CSMD1: variants seen among roughly 807,000 people sequenced by gnomAD.
CSMD1 encodes CUB and Sushi multiple domains 1, also known as CUB and sushi domain-containing protein 1.
In CSMD1, 213 loss-of-function variants were observed where a neutral mutation model predicts 417.5. The observed-to-expected ratio is 0.51, with a 90% CI of 0.46 to 0.57. CSMD1 has a LOEUF of 0.57. CSMD1 is among the 20% of genes least tolerant of loss of function. The probability of loss-of-function intolerance (pLI) is 0.00; values close to 1 mark genes in which losing one functional copy is unlikely to be tolerated. For missense variants in CSMD1, 6,923 were observed against 4,529.7 expected, an observed-to-expected ratio of 1.53 and a Z score of -15.17; for synonymous variants, 2,862 against 1,736.8, an observed-to-expected ratio of 1.65 and a Z score of -16.11.
chr8:4,453,292 C>A lies in CSMD1; in HGVS notation c.303-33227G>T, dbSNP rs1799262047. ...TGTAACCAAAACATGAATTTACACT[C>A]CCACTGGCAATCAACTGTCCCCAAG... On this transcript the variant is annotated intron_variant, in intron 2 of 69. Transcript: ENST00000635120. Among the ~76,000 whole-genome samples the A allele has an allele frequency of 2.0e-5, 3 of 152,030 alleles. No homozygotes were observed. The South Asian group carries it at 6.2e-4, about 32-fold the overall frequency.
intron 3 of CSMD1, among the ~76,000 whole-genome samples, chr8:4,362,114 T>C (rs1801801758): frequency 6.6e-6 from 1 of 152,056 alleles, no homozygotes; most frequent in African/African-American, 2.4e-5. Context: ...GAATTACAAA[T>C]CCAAGTACTT....
At chr8:4,583,669 T>A (rs555852361) in intron 2 of CSMD1, among the ~76,000 whole-genome samples, 80 of 152,242 alleles carry the variant, frequency 5.3e-4, no homozygotes, top group Non-Finnish European at 8.5e-4. Flanking sequence ...CTAACTAATC[T>A]GATGGGGTCG....
chr8:4,526,629 G>C (rs1796527152), intron 2 of CSMD1, among the ~76,000 whole-genome samples: 1 of 151,946 alleles, frequency 6.6e-6, no homozygotes, highest in South Asian at 2.1e-4. Flanking sequence ...ATCACTCTTG[G>C]GAATTAACAA....
chr8:4,715,935 CT>C (rs1335733802), intron 1 of CSMD1, among the ~76,000 whole-genome samples: 3 of 152,188 alleles, frequency 2.0e-5, no homozygotes, highest in African/African-American at 7.2e-5. Context: ...CTAAAATTGT[CT>C]TGTAAATCGT....
At chr8:3,528,640 G>C (rs1470631105) in intron 10 of CSMD1, among the ~76,000 whole-genome samples, 1 of 152,136 alleles carries the variant, frequency 6.6e-6, no homozygotes, top group Admixed American at 6.5e-5. Flanking sequence ...CTAATTAAAT[G>C]TCTTGAAATT....
chr8:3,787,353 C>T (rs1028303034), intron 5 of CSMD1, among the ~76,000 whole-genome samples: 2 of 152,050 alleles, frequency 1.3e-5, no homozygotes, highest in African/African-American at 2.4e-5. Flanking sequence ...ATGTTGATGC[C>T]ATTTTGCTTG....
intron 3 of CSMD1, among the ~76,000 whole-genome samples, chr8:4,406,286 CA>C (rs1805015343): frequency 6.6e-6 from 1 of 152,066 alleles, no homozygotes; most frequent in African/African-American, 2.4e-5. Context: ...GCAATTCAAA[CA>C]AAACAAACCC....
At chr8:3,461,746 A>T (rs76827630) in intron 12 of CSMD1, among the ~76,000 whole-genome samples, 5,183 of 152,294 alleles carry the variant, frequency 0.034, 162 homozygotes, top group East Asian at 0.15. Context: ...ATTGTCCCCA[A>T]TGAGACAATA....
chr8:4,806,409 C>T (rs910608563), intron 1 of CSMD1, among the ~76,000 whole-genome samples: 1 of 152,098 alleles, frequency 6.6e-6, no homozygotes, highest in Admixed American at 6.5e-5. Flanking sequence ...AAGTTCTTTG[C>T]CATAAAAGTC....
chr8:4,004,933 A>T (rs964486173), intron 4 of CSMD1, among the ~76,000 whole-genome samples: 2 of 152,028 alleles, frequency 1.3e-5, no homozygotes, highest in Non-Finnish European at 2.9e-5. Context: ...TTTAGTAGAG[A>T]CAGGGTTTCA....
chr8:4,515,847 A>G (rs975804798), intron 2 of CSMD1, among the ~76,000 whole-genome samples: 1 of 152,176 alleles, frequency 6.6e-6, no homozygotes, highest in African/African-American at 2.4e-5. Flanking sequence ...TGAGAGCTTT[A>G]GCTCATAAGC....
rs757794439 is a variant in CSMD1, at chr8:4,952,937, G to C, written c.85+41395C>G. On this transcript the variant is annotated intron_variant, in intron 1 of 69. Coordinates refer to ENST00000635120, the MANE Select transcript of CSMD1 (RefSeq NM_033225.6). ...ACTGATTCACTGCTACATACTACAA[G>C]ACATGGCAGTAATTGATACAAAAGT... Among the ~76,000 whole-genome samples the C allele has an allele frequency of 7.2e-5, 11 of 152,126 alleles. 1 individual carries two copies. The highest frequency in any genetic ancestry group is 1.6e-4 in the Non-Finnish European group (11 of 68,004).
intron 1 of CSMD1, among the ~76,000 whole-genome samples, chr8:4,900,914 T>C (rs909893652): frequency 4.6e-5 from 7 of 152,184 alleles, no homozygotes; most frequent in African/African-American, 1.7e-4. Flanking sequence ...TAGTTACTTC[T>C]CTCCCTTGCA....
intron 41 of CSMD1, among the ~76,000 whole-genome samples, chr8:3,133,226 T>C (rs1006040934): frequency 6.6e-6 from 1 of 152,234 alleles, no homozygotes; most frequent in Non-Finnish European, 1.5e-5. Flanking sequence ...TGGCTGCTGC[T>C]GTCCCAATGG....
chr8:4,852,262 TG>T (rs1801524301), intron 1 of CSMD1, among the ~76,000 whole-genome samples: 1 of 152,122 alleles, frequency 6.6e-6, no homozygotes, highest in Admixed American at 6.6e-5. Context: ...GTTTTGGAGG[TG>T]GGGCCTTGTG....
At chr8:4,234,278 T>A (rs1210642240) in intron 3 of CSMD1, among the ~76,000 whole-genome samples, 1 of 152,186 alleles carries the variant, frequency 6.6e-6, no homozygotes, top group Non-Finnish European at 1.5e-5. Flanking sequence ...TTACACGAAG[T>A]GATCTATGGG....
At chr8:4,332,450 A>G (rs1031450475) in intron 3 of CSMD1, among the ~76,000 whole-genome samples, 3 of 151,966 alleles carry the variant, frequency 2.0e-5, no homozygotes, top group African/African-American at 7.2e-5. Context: ...GTAGGTAAAA[A>G]CAGTGTGTAC....
At chr8:3,841,710 A>T (rs1053522287) in intron 5 of CSMD1, among the ~76,000 whole-genome samples, 1 of 152,188 alleles carries the variant, frequency 6.6e-6, no homozygotes, top group African/African-American at 2.4e-5. Flanking sequence ...ATAATATATA[A>T]TATCAAAACT....
intron 50 of CSMD1, among the ~76,000 whole-genome samples, chr8:3,037,732 A>G (rs1304878313): frequency 6.6e-6 from 1 of 152,228 alleles, no homozygotes; most frequent in Non-Finnish European, 1.5e-5. Context: ...TGAGTTATCT[A>G]GAATAAGAGT....
Sources: gnomAD v4.1 joint callset for allele counts (sites outside exome capture counted in the v4.1 genomes callset) on GRCh38, gnomAD v4.1.1 for gene constraint, MANE v1.5 for transcripts, NCBI Gene and HGNC (gene_info 2026-07-23, HGNC 2026-07-21) for gene names.